The following AMPH variants were observed in gnomAD, a reference collection of about 807,000 sequenced individuals.
AMPH encodes amphiphysin.
AMPH carries 49 observed loss-of-function variants against 99.1 expected under a neutral mutation model. The observed-to-expected ratio is 0.49, with a 90% confidence interval of 0.39 to 0.63. AMPH has a LOEUF of 0.63. AMPH is among the 20% of genes least tolerant of loss of function. The pLI, the probability that AMPH is intolerant of heterozygous loss-of-function variation, is 0.00. For missense variants in AMPH, 759 were observed against 863.4 expected (o/e 0.88, Z 1.52); for synonymous variants, 314 against 317.3 (o/e 0.99, Z 0.11).
intron 2 of AMPH, among the ~76,000 whole-genome samples, chr7:38,528,637 G>C (rs1455799147): frequency 1.3e-5 from 2 of 151,992 alleles, no homozygotes; most frequent in Non-Finnish European, 1.5e-5. Context: ...AGTCCTGCTA[G>C]AGGTTTATTA....
chr7:38,476,927 T>C lies in AMPH; in HGVS notation c.439A>G (p.Ser147Gly), dbSNP rs1788106264. 1 of 1,613,754 alleles carries C rather than the reference T, an allele frequency of 6.2e-7. No homozygotes were observed. Among genetic ancestry groups the C allele is most frequent in the African/African-American group, 1.3e-5 (1 of 74,892 alleles). ...KRSRKLVDYD[S>G]ARHHLEALQS... ...AGAGCTTCCAGATGGTGGCGGGCAC[T>C]GTCATAGTCCACTAGCTTCCTGCTG... is the stretch of plus-strand genomic sequence containing the variant. Residue 147 changes from serine to glycine, a missense_variant, in exon 6 of 21, where the codon AGT becomes GGT. Ser to Gly is a moderately conservative substitution (Grantham distance 56, BLOSUM62 0). Around this residue, in one of 2 missense-constraint regions of AMPH, gnomAD observed 205 missense variants for 287.9 expected, o/e 0.71. Coordinates refer to ENST00000356264, the MANE Select transcript of AMPH (RefSeq NM_001635.4).
At position 38,450,945 on chromosome 7, in the gene AMPH, C is replaced by T. The variant is rs958133368; in HGVS notation, c.1017+10338G>A. Among the ~76,000 whole-genome samples, 5 of 151,158 alleles carry T rather than the reference C, an allele frequency of 3.3e-5. 1 individual carries two copies. Among genetic ancestry groups the T allele is most frequent in the Admixed American group, 1.3e-4 (2 of 15,182 alleles). On this transcript the variant is annotated intron_variant, in intron 11 of 20. Transcript: ENST00000356264. ...CGCTCTTGTCACCTAGGCTGGAATG[C>T]AGTACTGTGATCATAGCTCACTGTA...
intron 5 of AMPH, among the ~76,000 whole-genome samples, chr7:38,477,490 A>T (rs1448344020): frequency 6.6e-6 from 1 of 152,188 alleles, no homozygotes; most frequent in Non-Finnish European, 1.5e-5. Flanking sequence ...TGTCATTTGG[A>T]ATAGCTGGTG....
chr7:38,398,113 A>T (rs1405053519), intron 17 of AMPH, among the ~76,000 whole-genome samples: 1 of 151,298 alleles, frequency 6.6e-6, no homozygotes, highest in Non-Finnish European at 1.5e-5. Context: ...CCTCAAAAAA[A>T]AAAAAAAACA....
At chr7:38,496,583 C>G (rs1011166868) in intron 3 of AMPH, among the ~76,000 whole-genome samples, 1 of 152,138 alleles carries the variant, frequency 6.6e-6, no homozygotes, top group Non-Finnish European at 1.5e-5. Context: ...AACCTGAATC[C>G]AACCCATCGC....
At chr7:38,440,930 C>T (rs932161354) in intron 11 of AMPH, among the ~76,000 whole-genome samples, 4 of 151,836 alleles carry the variant, frequency 2.6e-5, no homozygotes, top group African/African-American at 9.7e-5. Flanking sequence ...TGAATAATAA[C>T]CTTAAATGAA....
chr7:38,435,019 T>G (rs2267811), intron 12 of AMPH, among the ~76,000 whole-genome samples: 30,339 of 152,154 alleles, frequency 0.2, 3,232 homozygotes, highest in Non-Finnish European at 0.22. Flanking sequence ...AAACTCTAAG[T>G]TAAACAAATA....
chr7:38,397,296 C>T (rs370480740), intron 17 of AMPH, among the ~76,000 whole-genome samples: 1 of 152,178 alleles, frequency 6.6e-6, no homozygotes, highest in Admixed American at 6.5e-5. Flanking sequence ...CTTTCCATGA[C>T]CTATAGATGG....
At chr7:38,572,323 G>A (rs1486189635) in intron 1 of AMPH, among the ~76,000 whole-genome samples, 4 of 152,114 alleles carry the variant, frequency 2.6e-5, no homozygotes, top group African/African-American at 9.7e-5. Flanking sequence ...GAAACATATG[G>A]TTCAGGTGTG....
chr7:38,512,212 C>T (rs1312966021), intron 2 of AMPH, among the ~76,000 whole-genome samples: 1 of 152,164 alleles, frequency 6.6e-6, no homozygotes. Context: ...CTTTAGATTG[C>T]TATGCCAATG....
At chr7:38,464,821 G>T (rs1787588423) in intron 9 of AMPH, among the ~76,000 whole-genome samples, 1 of 152,142 alleles carries the variant, frequency 6.6e-6, no homozygotes, top group African/African-American at 2.4e-5. Flanking sequence ...TAAAGTCTAC[G>T]AAGGATGGAA....
At chr7:38,496,038 T>G (rs965323345) in intron 3 of AMPH, among the ~76,000 whole-genome samples, 1 of 152,106 alleles carries the variant, frequency 6.6e-6, no homozygotes, top group East Asian at 1.9e-4. Flanking sequence ...CCTGGCCACA[T>G]TGATGTCTTG....
intron 1 of AMPH, among the ~76,000 whole-genome samples, chr7:38,617,302 A>G (rs1016324246): frequency 1.3e-5 from 2 of 152,214 alleles, no homozygotes; most frequent in Non-Finnish European, 2.9e-5. Flanking sequence ...CCTCTCATTT[A>G]CCTGGGCCAC....
intron 11 of AMPH, among the ~76,000 whole-genome samples, chr7:38,454,200 T>G (rs1369409039): frequency 6.6e-6 from 1 of 152,230 alleles, no homozygotes; most frequent in Non-Finnish European, 1.5e-5. Flanking sequence ...TAAGTGTGCT[T>G]GAAAAGAATG....
chr7:38,467,336 G>A (rs1322439662), intron 7 of AMPH, among the ~76,000 whole-genome samples: 2 of 152,184 alleles, frequency 1.3e-5, no homozygotes, highest in African/African-American at 4.8e-5. Flanking sequence ...CAGCTTGACA[G>A]GCAAGGAGAG....
intron 1 of AMPH, among the ~76,000 whole-genome samples, chr7:38,543,538 A>G (rs2129043622): frequency 6.6e-6 from 1 of 152,340 alleles, no homozygotes. Context: ...TTTACAATAT[A>G]TCAAGCACAG....
At chr7:38,505,995 T>C (rs1227769811) in intron 2 of AMPH, among the ~76,000 whole-genome samples, 1 of 152,176 alleles carries the variant, frequency 6.6e-6, no homozygotes. Flanking sequence ...ACAATGAAAC[T>C]TAAGTGGAAG....
At chr7:38,513,001 C>A (rs941141659) in intron 2 of AMPH, among the ~76,000 whole-genome samples, 2 of 152,138 alleles carry the variant, frequency 1.3e-5, no homozygotes, top group African/African-American at 4.8e-5. Context: ...AATAGAAAGA[C>A]TATAGATAAA....
At chr7:38,569,095 T>C (rs762652956) in intron 1 of AMPH, among the ~76,000 whole-genome samples, 7 of 152,184 alleles carry the variant, frequency 4.6e-5, no homozygotes, top group Non-Finnish European at 8.8e-5. Flanking sequence ...TGTTTTAACA[T>C]TACACTTTTA....
Sources: allele counts gnomAD v4.1 joint callset (sites outside exome capture counted in the v4.1 genomes callset), GRCh38; gene constraint gnomAD v4.1.1; regional missense constraint gnomAD v4.1.1; transcripts MANE v1.5; gene names NCBI Gene and HGNC (gene_info 2026-07-23, HGNC 2026-07-21).